FARS2: variants seen among roughly 807,000 people sequenced by gnomAD.
The protein encoded by FARS2 is phenylalanine--tRNA ligase, mitochondrial.
Under a neutral mutation model 46.4 loss-of-function variants are expected in FARS2, and 40 were observed. The ratio of observed to expected loss-of-function variants is 0.86; its 90% CI spans 0.67 to 1.12. The LOEUF is 1.12. Ranked by LOEUF, FARS2 falls within the 50% of genes most tolerant of loss-of-function variation. The pLI, the probability that FARS2 is intolerant of heterozygous loss-of-function variation, is 0.00. For synonymous variants in FARS2, 234 were observed against 214.9 expected (o/e 1.09, Z -0.78); for missense variants, 513 against 567.9 (o/e 0.90, Z 0.98).
At chr6:5,475,215 C>A (rs931417405) in intron 4 of FARS2, among the ~76,000 whole-genome samples, 7 of 152,120 alleles carry the variant, frequency 4.6e-5, no homozygotes, top group South Asian at 2.1e-4. Context: ...TCACTCATAG[C>A]CAATGGTTGA....
chr6:5,549,139 T>G (rs1771218999), intron 5 of FARS2, among the ~76,000 whole-genome samples: 1 of 151,728 alleles, frequency 6.6e-6, no homozygotes, highest in South Asian at 2.1e-4. Context: ...TGACTCCTTC[T>G]GTAGGCTCTT....
intron 6 of FARS2, among the ~76,000 whole-genome samples, chr6:5,743,644 C>T (rs1391006663): frequency 3.9e-5 from 6 of 152,162 alleles, no homozygotes; most frequent in East Asian, 1.9e-4. Context: ...ACACTGGCAC[C>T]GAAGCTGTTT....
intron 6 of FARS2, among the ~76,000 whole-genome samples, chr6:5,684,117 C>G (rs946277639): frequency 6.6e-6 from 1 of 152,070 alleles, no homozygotes; most frequent in Non-Finnish European, 1.5e-5. Context: ...TCTTGTATAC[C>G]TGCCCGGCTT....
At chr6:5,287,865 C>T (rs1219782796) in intron 1 of FARS2, among the ~76,000 whole-genome samples, 2 of 152,106 alleles carry the variant, frequency 1.3e-5, no homozygotes, top group East Asian at 3.8e-4. Context: ...TTTGTGGCCA[C>T]ACTTGGGAAA....
At chr6:5,315,806 C>T (rs1421230657) in intron 1 of FARS2, among the ~76,000 whole-genome samples, 1 of 126,440 alleles carries the variant, frequency 7.9e-6, no homozygotes, top group East Asian at 2.4e-4. Context: ...ATACCTAACG[C>T]ATTTGTGATG....
intron 5 of FARS2, among the ~76,000 whole-genome samples, chr6:5,596,695 T>A (rs1774219823): frequency 1.3e-5 from 2 of 152,162 alleles, no homozygotes; most frequent in Non-Finnish European, 2.9e-5. Context: ...CACGGTCATT[T>A]TGAGAAACAG....
intron 2 of FARS2, among the ~76,000 whole-genome samples, chr6:5,389,823 G>GT (rs1024014268): frequency 6.6e-6 from 1 of 151,156 alleles, no homozygotes; most frequent in Admixed American, 6.6e-5. Context: ...TCCTACTACA[G>GT]TTTTTTTGTT....
intron 2 of FARS2, among the ~76,000 whole-genome samples, chr6:5,376,219 T>A (rs1175028700): frequency 1.3e-5 from 2 of 152,206 alleles, no homozygotes; most frequent in African/African-American, 4.8e-5. Context: ...TCTTTAAACA[T>A]GTCATACTCA....
intron 6 of FARS2, among the ~76,000 whole-genome samples, chr6:5,616,451 A>G (rs1242742892): frequency 6.6e-6 from 1 of 152,190 alleles, no homozygotes; most frequent in Non-Finnish European, 1.5e-5. Flanking sequence ...CAAGTTGAGT[A>G]TCCCTTATCC....
intron 6 of FARS2, among the ~76,000 whole-genome samples, chr6:5,769,417 C>G (rs1460095914): frequency 6.6e-6 from 1 of 152,210 alleles, no homozygotes; most frequent in Non-Finnish European, 1.5e-5. Context: ...TTCTGTCTCG[C>G]TGCGTTTTGG....
intron 1 of FARS2, among the ~76,000 whole-genome samples, chr6:5,325,764 A>G (rs926174670): frequency 1.3e-5 from 2 of 152,238 alleles, no homozygotes; most frequent in African/African-American, 4.8e-5. Context: ...AAGAGAAATT[A>G]CCAAATATTT....
At chr6:5,494,528 C>T (rs1267102438) in intron 4 of FARS2, among the ~76,000 whole-genome samples, 1 of 152,202 alleles carries the variant, frequency 6.6e-6, no homozygotes, top group Admixed American at 6.5e-5. Flanking sequence ...TCTGTTTGCA[C>T]TGTAGAGACT....
intron 6 of FARS2, among the ~76,000 whole-genome samples, chr6:5,684,689 C>T (rs1464943314): frequency 6.6e-6 from 1 of 152,156 alleles, no homozygotes; most frequent in Non-Finnish European, 1.5e-5. Flanking sequence ...AATCCCAGTA[C>T]CTGTCACCTA....
chr6:5,698,840 G>T (rs1758253868), intron 6 of FARS2, among the ~76,000 whole-genome samples: 1 of 152,164 alleles, frequency 6.6e-6, no homozygotes, highest in South Asian at 2.1e-4. Flanking sequence ...TGTGGGTGGG[G>T]TGCCCTCTGC....
chr6:5,531,842 A>G (rs1215593839), intron 4 of FARS2, among the ~76,000 whole-genome samples: 2 of 152,182 alleles, frequency 1.3e-5, no homozygotes, highest in East Asian at 1.9e-4. Context: ...GAATTTACCT[A>G]GCTGTGCTGA....
intron 6 of FARS2, among the ~76,000 whole-genome samples, chr6:5,696,421 A>C (rs946580830): frequency 2.6e-5 from 4 of 152,164 alleles, no homozygotes; most frequent in African/African-American, 7.2e-5. Context: ...CATGGCACAT[A>C]TATTTTGTTT....
At chr6:5,385,350 T>C (rs1344392531) in intron 2 of FARS2, among the ~76,000 whole-genome samples, 1 of 152,236 alleles carries the variant, frequency 6.6e-6, no homozygotes, top group East Asian at 1.9e-4. Context: ...TTAGTTGGAT[T>C]TGAATAATGT....
At chr6:5,391,141 G>A (rs1760483712) in intron 2 of FARS2, among the ~76,000 whole-genome samples, 1 of 152,142 alleles carries the variant, frequency 6.6e-6, no homozygotes, top group South Asian at 2.1e-4. Flanking sequence ...CTATTCATCT[G>A]ACCCTATTGC....
chr6:5,384,852 T>C (rs888987065), intron 2 of FARS2, among the ~76,000 whole-genome samples: 6 of 106,234 alleles, frequency 5.6e-5, no homozygotes, highest in African/African-American at 1.8e-4. Flanking sequence ...CACAGAATAC[T>C]GACTGTTTCA....
Sources: allele counts gnomAD v4.1 joint callset (sites outside exome capture counted in the v4.1 genomes callset), GRCh38; gene constraint gnomAD v4.1.1; transcripts MANE v1.5; gene names NCBI Gene and HGNC (gene_info 2026-07-23, HGNC 2026-07-21).